Variants in EMSY observed in about 807,000 individuals in gnomAD.
EMSY encodes EMSY transcriptional repressor, BRCA2 interacting.
A neutral mutation model predicts 134.6 loss-of-function variants in EMSY; 26 were observed. The observed-to-expected ratio is 0.19, with a 90% confidence interval of 0.14 to 0.27. The LOEUF is 0.27. Among genes scored for constraint, EMSY ranks in the 10% least tolerant of loss-of-function variants. EMSY has a pLI of 1.00. For synonymous variants in EMSY, 579 were observed against 577.8 expected (o/e 1.00, Z -0.03); for missense variants, 1,305 against 1,611.4 (o/e 0.81, Z 3.26).
intron 8 of EMSY, among the ~76,000 whole-genome samples, chr11:76,475,786 C>T (rs1484498369): frequency 6.6e-6 from 1 of 152,156 alleles, no homozygotes; most frequent in African/African-American, 2.4e-5. Flanking sequence ...GTGGGTACAT[C>T]AGGCAAGAGG....
chr11:76,491,685 C>T (rs1007088069), intron 8 of EMSY, among the ~76,000 whole-genome samples: 3 of 152,232 alleles, frequency 2.0e-5, no homozygotes, highest in Admixed American at 6.5e-5. Context: ...TAGCTCACAC[C>T]GTGGAAGCCC....
intron 11 of EMSY, among the ~76,000 whole-genome samples, chr11:76,520,295 A>T (rs1950597244): frequency 6.6e-6 from 1 of 152,170 alleles, no homozygotes; most frequent in Non-Finnish European, 1.5e-5. Flanking sequence ...CTATCATATA[A>T]ATTGAAAAAC....
chr11:76,494,720 TTCCTTCC>T lies in EMSY; in HGVS notation c.1109-1493_1109-1487del, dbSNP rs1949577542. Among the ~76,000 whole-genome samples, 4 of 81,136 alleles carry T rather than the reference TTCCTTCC, an allele frequency of 4.9e-5. No individual in the cohort carries two copies. In the South Asian group the frequency reaches 1.9e-3, roughly 38 times the overall value. The allele number at this position is 81,136 out of a possible 152,430, so 53.2% of individuals were successfully genotyped here. On this transcript the variant is annotated intron_variant, in intron 8 of 20. Transcript: ENST00000334736. Reference sequence around the variant, plus strand: ...CTTCCTTCCTTCCTTCCTTCCTTCCTTCCTTCCTTCCTTCCTTTCCTTCCTTCCTTTC... The same window carrying T: ...CTTCCTTCCTTCCTTCCTTCCTTCCTTTCCTTCCTTTCCTTCCTTCCTTTC...
At chr11:76,448,955 T>A (rs537456433) in intron 2 of EMSY, among the ~76,000 whole-genome samples, 1 of 152,156 alleles carries the variant, frequency 6.6e-6, no homozygotes, top group Admixed American at 6.5e-5. Context: ...AGATAAATGC[T>A]TCCTTCTCTC....
At chr11:76,489,078 G>A (rs1289773996) in intron 8 of EMSY, among the ~76,000 whole-genome samples, 2 of 152,214 alleles carry the variant, frequency 1.3e-5, no homozygotes. Flanking sequence ...CTGTATGGCT[G>A]GCTTAGGGCC....
At chr11:76,545,756 G>A in intron 19 of EMSY, 41 bp from the exon 21 acceptor site, 3 of 1,543,694 alleles carry the variant, frequency 1.9e-6, no homozygotes, top group Non-Finnish European at 2.6e-6. Context: ...TTTTCTCAAA[G>A]AGATGTAGCT....
intron 12 of EMSY, among the ~76,000 whole-genome samples, chr11:76,523,637 G>A (rs556298625): frequency 2.7e-4 from 41 of 151,616 alleles, no homozygotes; most frequent in African/African-American, 9.4e-4. Flanking sequence ...TTAGTATTTG[G>A]CTTAGGGTGG....
intron 1 of EMSY, among the ~76,000 whole-genome samples, chr11:76,445,869 G>T (rs1947363586): frequency 6.6e-6 from 1 of 152,118 alleles, no homozygotes; most frequent in South Asian, 2.1e-4. Flanking sequence ...CATACTGCCG[G>T]CTGGGGCGCG....
At chr11:76,450,647 AC>A (rs1332218224) in intron 2 of EMSY, among the ~76,000 whole-genome samples, 1 of 150,474 alleles carries the variant, frequency 6.6e-6, no homozygotes, top group African/African-American at 2.5e-5. Flanking sequence ...ATGCACTACC[AC>A]CCCCAGCTGA....
At chr11:76,476,988 A>G (rs1374223117) in intron 8 of EMSY, among the ~76,000 whole-genome samples, 2 of 151,884 alleles carry the variant, frequency 1.3e-5, no homozygotes, top group Non-Finnish European at 1.5e-5. Flanking sequence ...AACTTTTTCT[A>G]TTTGTATGTT....
At chr11:76,515,455 G>A (rs1012255168) in intron 10 of EMSY, among the ~76,000 whole-genome samples, 1 of 152,094 alleles carries the variant, frequency 6.6e-6, no homozygotes, top group Non-Finnish European at 1.5e-5. Context: ...TAGAAATAGT[G>A]GGGAAGGGTA....
Position 76,452,038 on chromosome 11 carries a change from A to C in EMSY, c.170+81A>C, listed in dbSNP as rs561709376. The C allele has an allele frequency of 8.0e-6, 7 of 878,602 alleles. No individual in the cohort carries two copies. In the East Asian group the frequency reaches 1.2e-4, roughly 15 times the overall value. 54.4% of individuals were successfully genotyped at this position (878,602 alleles called of 1,614,324 possible). A position where few individuals can be genotyped will look rare whatever the true frequency, so the allele number is the denominator to read the frequency against. Reference sequence around the variant, plus strand: ...TTACTTATCACTCTCAAATTAAGTAACTGTCAAATTAAGTTGAAGAACAGA... The same window carrying C: ...TTACTTATCACTCTCAAATTAAGTACCTGTCAAATTAAGTTGAAGAACAGA... On this transcript the variant is annotated intron_variant, in intron 3 of 20. Coordinates refer to ENST00000334736, the Ensembl canonical transcript of EMSY.
At chr11:76,477,088 T>C (rs1280353517) in intron 8 of EMSY, among the ~76,000 whole-genome samples, 5 of 152,006 alleles carry the variant, frequency 3.3e-5, no homozygotes, top group Admixed American at 3.3e-4. Context: ...ATACCTTTAA[T>C]GTATTGTATA....
chr11:76,463,899 T>C (rs1948241979), exon 7 of EMSY: 2 of 1,614,204 alleles, frequency 1.2e-6, no homozygotes. Context: ...CCTGTTGTTC[T>C]AAAGGAAGTT....
At chr11:76,537,057 T>G (rs1012575093) in intron 15 of EMSY, among the ~76,000 whole-genome samples, 10 of 152,230 alleles carry the variant, frequency 6.6e-5, no homozygotes, top group African/African-American at 2.2e-4. Flanking sequence ...AATCCTTCTG[T>G]CGGTGTTATT....
At chr11:76,470,519 CT>C (rs1318370935) in intron 7 of EMSY, among the ~76,000 whole-genome samples, 2 of 152,020 alleles carry the variant, frequency 1.3e-5, no homozygotes, top group African/African-American at 4.8e-5. Context: ...TCAACAAATC[CT>C]ATTCTCTCTA....
exon 19 of EMSY, chr11:76,544,538 C>T (rs897926859): frequency 1.2e-6 from 2 of 1,614,158 alleles, no homozygotes; most frequent in Non-Finnish European, 1.7e-6. Context: ...AATGCCCCAG[C>T]TTTCCATCAG....
intron 8 of EMSY, among the ~76,000 whole-genome samples, chr11:76,492,408 G>A (rs745965763): frequency 6.6e-6 from 1 of 152,174 alleles, no homozygotes; most frequent in Non-Finnish European, 1.5e-5. Context: ...GGGAGGCAGA[G>A]GTTGCAGTGA....
At chr11:76,549,095 A>G (rs577773743) in intron 20 of EMSY, among the ~76,000 whole-genome samples, 5 of 152,244 alleles carry the variant, frequency 3.3e-5, no homozygotes, top group Non-Finnish European at 7.3e-5. Flanking sequence ...GGTGGGATGA[A>G]CCCACTACTT....
Sources: gnomAD v4.1 joint callset for allele counts (sites outside exome capture counted in the v4.1 genomes callset) on GRCh38, gnomAD v4.1.1 for gene constraint, MANE v1.5 for transcripts, NCBI Gene and HGNC (gene_info 2026-07-23, HGNC 2026-07-21) for gene names.